The following EHBP1 variants were observed in gnomAD, a reference collection of about 807,000 sequenced individuals.
EHBP1 encodes EH domain binding protein 1.
Under a neutral mutation model 144.0 loss-of-function variants are expected in EHBP1, and 55 were observed. The ratio of observed to expected loss-of-function variants is 0.38; its 90% CI spans 0.31 to 0.48. The LOEUF (loss-of-function observed/expected upper bound fraction) is 0.48, where lower values mean the gene tolerates loss of function less well. Among genes scored for constraint, EHBP1 ranks in the 20% least tolerant of loss-of-function variants. The pLI is 0.98. For missense variants in EHBP1, 1,200 were observed against 1,364.2 expected (o/e 0.88, Z 1.90); for synonymous variants, 469 against 472.7 (o/e 0.99, Z 0.10).
intron 2 of EHBP1, among the ~76,000 whole-genome samples, chr2:62,715,453 CTT>C (rs762868991): frequency 1.4e-5 from 2 of 140,222 alleles, no homozygotes. Context: ...TATTTCTTTT[CTT>C]TTTTTTTTTT....
chr2:62,742,912 G>A (rs1322565381), intron 2 of EHBP1, among the ~76,000 whole-genome samples: 1 of 151,978 alleles, frequency 6.6e-6, no homozygotes, highest in African/African-American at 2.4e-5. Context: ...TTCTTAATAA[G>A]TGTGCAACTG....
chr2:62,893,909 A>G (rs1446615463), intron 10 of EHBP1, among the ~76,000 whole-genome samples: 1 of 152,082 alleles, frequency 6.6e-6, no homozygotes, highest in Non-Finnish European at 1.5e-5. Flanking sequence ...GCTGAGTGTG[A>G]TGGTGCACAC....
At chr2:62,836,797 T>G (rs2047298747) in intron 7 of EHBP1, among the ~76,000 whole-genome samples, 1 of 149,068 alleles carries the variant, frequency 6.7e-6, no homozygotes, top group Admixed American at 6.7e-5. Flanking sequence ...GAAAAAAGAA[T>G]AAAAAGAAAT....
At chr2:62,966,244 G>A (rs1466715227) in intron 14 of EHBP1, among the ~76,000 whole-genome samples, 2 of 152,136 alleles carry the variant, frequency 1.3e-5, no homozygotes, top group South Asian at 2.1e-4. Flanking sequence ...TTAGAGGGGG[G>A]AGTTTTATAA....
chr2:62,900,475 G>C (rs1002839892), intron 10 of EHBP1, among the ~76,000 whole-genome samples: 5 of 151,950 alleles, frequency 3.3e-5, no homozygotes, highest in Non-Finnish European at 7.4e-5. Context: ...ATTTTAATTA[G>C]GTGGGTGTGG....
chr2:62,922,661 A>G (rs2055176469), intron 10 of EHBP1, among the ~76,000 whole-genome samples: 1 of 152,218 alleles, frequency 6.6e-6, no homozygotes, highest in South Asian at 2.1e-4. Context: ...AATAAATACA[A>G]GGAATAAATA....
At chr2:62,910,311 C>A (rs2054118851) in intron 10 of EHBP1, among the ~76,000 whole-genome samples, 1 of 152,062 alleles carries the variant, frequency 6.6e-6, no homozygotes, top group African/African-American at 2.4e-5. Context: ...CAATTTTAAT[C>A]CCACTGAGTT....
intron 12 of EHBP1, among the ~76,000 whole-genome samples, chr2:62,947,599 C>G (rs565353834): frequency 6.6e-6 from 1 of 152,238 alleles, no homozygotes; most frequent in East Asian, 1.9e-4. Context: ...TGAGAAACAG[C>G]TTAGATTATT....
chr2:62,783,131 T>G (rs1044802134), intron 5 of EHBP1, among the ~76,000 whole-genome samples: 1 of 152,224 alleles, frequency 6.6e-6, no homozygotes, highest in Non-Finnish European at 1.5e-5. Flanking sequence ...CAAAATGATC[T>G]CCTTTGATGC....
chr2:62,685,525 G>A (rs1033345361), intron 1 of EHBP1, among the ~76,000 whole-genome samples: 2 of 152,026 alleles, frequency 1.3e-5, no homozygotes, highest in Non-Finnish European at 2.9e-5. Context: ...TTTTGATAAG[G>A]ACGTCAGTCA....
intron 1 of EHBP1, among the ~76,000 whole-genome samples, chr2:62,697,288 T>TA (rs1272401225): frequency 6.6e-6 from 1 of 152,248 alleles, no homozygotes; most frequent in African/African-American, 2.4e-5. Context: ...ATTCAAATTT[T>TA]AAAAACATAA....
chr2:62,757,728 C>A (rs1429269097), intron 3 of EHBP1, among the ~76,000 whole-genome samples: 2 of 151,936 alleles, frequency 1.3e-5, no homozygotes, highest in Non-Finnish European at 2.9e-5. Context: ...GCCACCATGC[C>A]CAGCTACAAT....
At chr2:62,721,333 C>T (rs957815300) in intron 2 of EHBP1, among the ~76,000 whole-genome samples, 1 of 152,090 alleles carries the variant, frequency 6.6e-6, no homozygotes, top group Non-Finnish European at 1.5e-5. Flanking sequence ...TATGATATAC[C>T]ACATGATATC....
chr2:62,916,946 G>A (rs1416369512), intron 10 of EHBP1, among the ~76,000 whole-genome samples: 4 of 151,416 alleles, frequency 2.6e-5, no homozygotes, highest in African/African-American at 4.9e-5. Context: ...TTGTATATAT[G>A]TATAAATAAA....
chr2:63,045,336 G>C lies in EHBP1; in HGVS notation c.3393-74G>C. 6.8e-7 allele frequency: 1 copy of C among 1,463,728 alleles called. No homozygotes were observed. Among genetic ancestry groups the C allele is most frequent in the Non-Finnish European group, 9.5e-7 (1 of 1,049,368 alleles). 90.7% of individuals were successfully genotyped at this position (1,463,728 alleles called of 1,614,324 possible). On this transcript the variant is annotated intron_variant, in intron 22 of 22. Transcript: ENST00000431489. The surrounding 1 kb of genome is among the most constrained non-coding windows in gnomAD (Gnocchi z 5.7). The stretch of plus-strand genomic sequence containing the variant: ...GCTGGGGATCCAAATACTGGGCGAC[G>C]GGGGAGTGCTGCTCTGCCCTCCACG...
intron 10 of EHBP1, among the ~76,000 whole-genome samples, chr2:62,889,237 T>G (rs942410286): frequency 1.3e-5 from 2 of 150,728 alleles, no homozygotes; most frequent in African/African-American, 2.4e-5. Context: ...TTTGGTGTTT[T>G]TGTGTGTGTG....
chr2:63,025,996 G>C (rs1174269118), intron 19 of EHBP1, among the ~76,000 whole-genome samples: 6 of 152,152 alleles, frequency 3.9e-5, no homozygotes, highest in South Asian at 2.1e-4. Flanking sequence ...TGATGGGTTT[G>C]GGTGCATTGA....
chr2:62,821,051 AT>A (rs1158010520), intron 5 of EHBP1, among the ~76,000 whole-genome samples: 1 of 151,738 alleles, frequency 6.6e-6, no homozygotes, highest in Non-Finnish European at 1.5e-5. Context: ...CATTAGTTTA[AT>A]TTTTAGTGTC....
chr2:62,865,996 T>A (rs528516968), intron 9 of EHBP1, among the ~76,000 whole-genome samples: 7 of 152,290 alleles, frequency 4.6e-5, no homozygotes, highest in Admixed American at 2.0e-4. Context: ...TGAGTGTGGA[T>A]CAGAGCTTGC....
Sources: allele counts gnomAD v4.1 joint callset (sites outside exome capture counted in the v4.1 genomes callset), GRCh38; gene constraint gnomAD v4.1.1; non-coding constraint Gnocchi (gnomAD v3.1); transcripts MANE v1.5; gene names NCBI Gene and HGNC (gene_info 2026-07-23, HGNC 2026-07-21).